CLMN: variants seen among roughly 807,000 people sequenced by gnomAD.
CLMN encodes the protein calmin.
A neutral mutation model predicts 92.7 loss-of-function variants in CLMN; 57 were observed. The ratio of observed to expected loss-of-function variants is 0.61; its 90% CI spans 0.50 to 0.77. The LOEUF is 0.77. CLMN is among the 30% of genes least tolerant of loss of function. CLMN has a pLI of 0.00. For missense variants in CLMN, 1,158 were observed against 1,237.5 expected (o/e 0.94, Z 0.96); for synonymous variants, 466 against 470.6 (o/e 0.99, Z 0.13).
chr14:95,198,154 AT>A (rs1896777367), intron 9 of CLMN, among the ~76,000 whole-genome samples: 1 of 133,724 alleles, frequency 7.5e-6, no homozygotes, highest in East Asian at 2.3e-4. Context: ...GGTTTAAGTG[AT>A]TTTTCTGCCT....
chr14:95,192,859 C>T lies in CLMN; in HGVS notation c.2840+990G>A, dbSNP rs185514246. 2.3e-3 allele frequency: 354 copies of T among 154,862 alleles called. 2 individuals carry two copies. The highest frequency in any genetic ancestry group is 4.0e-3 in the Non-Finnish European group (280 of 69,922). The allele number at this position is 154,862 out of a possible 1,614,324, so 9.6% of individuals were successfully genotyped here. ...TGCTCAATGTAGACAACTGAAAACA[C>T]GACTGCATTTCTCAACTTTACAGGT... On this transcript the variant is annotated intron_variant, in intron 12 of 12. Transcript: ENST00000298912.
intron 1 of CLMN, among the ~76,000 whole-genome samples, chr14:95,250,716 T>G (rs1407003831): frequency 6.6e-6 from 1 of 152,184 alleles, no homozygotes; most frequent in African/African-American, 2.4e-5. Context: ...GCAGATTAAC[T>G]CTATTGGAGG....
chr14:95,253,759 C>G (rs971115390), intron 1 of CLMN, among the ~76,000 whole-genome samples: 1 of 151,966 alleles, frequency 6.6e-6, no homozygotes, highest in African/African-American at 2.4e-5. Context: ...ACTACAGGTG[C>G]CCGCCACCAC....
At position 95,194,037 on chromosome 14, in the gene CLMN, A is replaced by G; in HGVS notation, c.2770-118T>C. ...AGCCGAGCATGCCGGGCATTTCTCA[A>G]TACCGCCAGCGTCTAGATCCAAAAT... is the stretch of plus-strand genomic sequence containing the variant. On this transcript the variant is annotated intron_variant, in intron 11 of 12. Coordinates refer to ENST00000298912, the MANE Select transcript of CLMN (RefSeq NM_024734.4). This position sits in a 1 kb window ranked among gnomAD's most constrained non-coding sequence, Gnocchi z 4.0. The G allele has an allele frequency of 6.6e-7, 1 of 1,506,480 alleles. No homozygotes were observed. Among genetic ancestry groups the G allele is most frequent in the Non-Finnish European group, 8.8e-7 (1 of 1,131,374 alleles). The allele number at this position is 1,506,480 out of a possible 1,614,324, so 93.3% of individuals were successfully genotyped here.
At chr14:95,277,421 G>C (rs947580530) in intron 1 of CLMN, among the ~76,000 whole-genome samples, 1 of 152,126 alleles carries the variant, frequency 6.6e-6, no homozygotes, top group Non-Finnish European at 1.5e-5. Context: ...TTCTAACCAC[G>C]TGGCAGTTCT....
At chr14:95,216,285 C>A (rs1281616582) in intron 4 of CLMN, among the ~76,000 whole-genome samples, 1 of 152,184 alleles carries the variant, frequency 6.6e-6, no homozygotes. Context: ...AAGACCTGCT[C>A]CCCCGATTCA....
Position 95,215,632 on chromosome 14 carries a change from T to C in CLMN, c.417+9A>G. ...ATGATTGTGTGTTTTGGAAAAGAAA[T>C]GATCTTACCTGGAAGAAGAGGATTA... On this transcript the variant is annotated intron_variant, in intron 5 of 12. Coordinates refer to ENST00000298912, the MANE Select transcript of CLMN (RefSeq NM_024734.4). The C allele has an allele frequency of 2.5e-6, 4 of 1,610,652 alleles. No individual in the cohort carries two copies. The highest frequency in any genetic ancestry group is 3.4e-6 in the Non-Finnish European group (4 of 1,176,772).
intron 1 of CLMN, among the ~76,000 whole-genome samples, chr14:95,245,549 T>C (rs1477529151): frequency 2.0e-5 from 3 of 148,456 alleles, no homozygotes; most frequent in South Asian, 2.2e-4. Context: ...GATGAATGGA[T>C]AGGTGGATGG....
intron 1 of CLMN, among the ~76,000 whole-genome samples, chr14:95,237,319 C>G (rs1331221741): frequency 6.6e-6 from 1 of 152,258 alleles, no homozygotes; most frequent in Non-Finnish European, 1.5e-5. Context: ...GACCCGGCAC[C>G]TGCAGAGGCT....
chr14:95,231,834 TA>T (rs35665372), intron 1 of CLMN, among the ~76,000 whole-genome samples: 7 of 152,078 alleles, frequency 4.6e-5, no homozygotes, highest in East Asian at 3.9e-4. Flanking sequence ...CAGTGATTTT[TA>T]AAAAAAAGTA....
chr14:95,251,048 CT>C (rs1409304577), intron 1 of CLMN, among the ~76,000 whole-genome samples: 1 of 152,154 alleles, frequency 6.6e-6, no homozygotes, highest in Non-Finnish European at 1.5e-5. Context: ...CAAACATCAC[CT>C]CCTCTAACCT....
At chr14:95,291,452 T>C (rs1480106364) in intron 1 of CLMN, among the ~76,000 whole-genome samples, 2 of 152,218 alleles carry the variant, frequency 1.3e-5, no homozygotes, top group Non-Finnish European at 2.9e-5. Context: ...GGAAATATCA[T>C]TGGCCACAGG....
intron 1 of CLMN, among the ~76,000 whole-genome samples, chr14:95,285,411 T>C (rs1396927707): frequency 6.6e-6 from 1 of 152,182 alleles, no homozygotes; most frequent in Non-Finnish European, 1.5e-5. Context: ...CAAATTCTCT[T>C]CCAGGAAAGG....
intron 8 of CLMN, among the ~76,000 whole-genome samples, chr14:95,207,476 G>A (rs1240364227): frequency 6.6e-6 from 1 of 152,110 alleles, no homozygotes; most frequent in Non-Finnish European, 1.5e-5. Flanking sequence ...TTCCTCCTAT[G>A]TAACTGTAAC....
At chr14:95,198,401 TCTC>T (rs1896784378) in intron 9 of CLMN, among the ~76,000 whole-genome samples, 1 of 151,324 alleles carries the variant, frequency 6.6e-6, no homozygotes. Flanking sequence ...CCTCATCCCA[TCTC>T]CTTGTCTGCC....
At chr14:95,291,781 C>A (rs1193154024) in intron 1 of CLMN, among the ~76,000 whole-genome samples, 1 of 152,156 alleles carries the variant, frequency 6.6e-6, no homozygotes, top group African/African-American at 2.4e-5. Flanking sequence ...AAAAAGCATG[C>A]AAAGCTGGAG....
At chr14:95,225,468 C>G (rs186682519) in intron 2 of CLMN, among the ~76,000 whole-genome samples, 1 of 152,362 alleles carries the variant, frequency 6.6e-6, no homozygotes, top group African/African-American at 2.4e-5. Flanking sequence ...CCTGGCACAG[C>G]CCCCACCTAC....
rs993807936 is a variant in CLMN at position 95,191,627 on chromosome 14, G to A, written c.2946C>T (p.Leu982=). Residue 982 remains leucine, a synonymous_variant, in exon 13 of 13, where the codon CTC becomes CTT. Coordinates refer to ENST00000298912, the MANE Select transcript of CLMN (RefSeq NM_024734.4). The surrounding 1 kb of genome is among the most constrained non-coding windows in gnomAD (Gnocchi z 5.3). The stretch of plus-strand genomic sequence containing the variant: ...AGCAGTACACCAGGAGCCACAGGAA[G>A]AGAATAAAATACATCATATCCGGCT... ...VQQPDMMYFI[L]FLWLLVYCLL... 1.2e-6 allele frequency: 2 copies of A among 1,613,858 alleles called. No individual in the cohort carries two copies. The highest frequency in any genetic ancestry group is 1.7e-6 in the Non-Finnish European group (2 of 1,179,984).
At chr14:95,196,765 C>A (rs1375680994) in intron 9 of CLMN, 71 bp from the exon 10 acceptor site, 1 of 1,478,406 alleles carries the variant, frequency 6.8e-7, no homozygotes, top group Non-Finnish European at 9.2e-7. Flanking sequence ...CATCACCCAG[C>A]AGTGCTCTGC....
Sources: allele counts gnomAD v4.1 joint callset (sites outside exome capture counted in the v4.1 genomes callset), GRCh38; gene constraint gnomAD v4.1.1; non-coding constraint Gnocchi (gnomAD v3.1); transcripts MANE v1.5; gene names NCBI Gene and HGNC (gene_info 2026-07-23, HGNC 2026-07-21).